The following FOXM1 variants were observed in gnomAD, a reference collection of about 807,000 sequenced individuals.
FOXM1 encodes forkhead box protein M1.
A neutral mutation model predicts 63.6 loss-of-function variants in FOXM1; 25 were observed. That is an observed-to-expected ratio of 0.39 (90% CI 0.29 to 0.55). The LOEUF is 0.55. Among genes scored for constraint, FOXM1 ranks in the 20% least tolerant of loss-of-function variants. The pLI is 0.60. For synonymous variants in FOXM1, 387 were observed against 376.9 expected (o/e 1.03, Z -0.31); for missense variants, 879 against 958.7 (o/e 0.92, Z 1.10).
chr12:2,859,678 G>T lies in FOXM1; in HGVS notation c.1267-15C>A. On this transcript the variant is annotated splice_polypyrimidine_tract_variant and intron_variant, in intron 8 of 8. Transcript: ENST00000359843. ...GCTAGCAGCACCTGAAAGGGAAACAGAGATAAGGTGAACCAACGGTCACCA... is the reference window on the plus strand; with the variant it reads ...GCTAGCAGCACCTGAAAGGGAAACATAGATAAGGTGAACCAACGGTCACCA... 6.3e-7 allele frequency: 1 copy of T among 1,585,166 alleles called. No homozygotes were observed. The highest frequency in any genetic ancestry group is 8.6e-7 in the Non-Finnish European group (1 of 1,167,316).
rs766261743 is a variant in FOXM1 at position 2,865,400 on chromosome 12, C to G, written c.976-1G>C. ...ATTGTGGAGACCCTGGGTCCAGTGGCTGGTGGCGGCCAGGCATTGTGGGAG... is the reference window on the plus strand; with the variant it reads ...ATTGTGGAGACCCTGGGTCCAGTGGGTGGTGGCGGCCAGGCATTGTGGGAG... On this transcript the variant is annotated splice_acceptor_variant, in intron 5 of 8. Transcript: ENST00000359843. LOFTEE classifies it high-confidence loss of function. The G allele has an allele frequency of 6.2e-7, 1 of 1,610,112 alleles. No homozygotes were observed. Among genetic ancestry groups the G allele is most frequent in the Non-Finnish European group, 8.5e-7 (1 of 1,177,900 alleles).
chr12:2,866,123 C>T (rs996100968), intron 5 of FOXM1, among the ~76,000 whole-genome samples: 1 of 152,196 alleles, frequency 6.6e-6, no homozygotes. Flanking sequence ...TTCCCATTCA[C>T]AGGGAAGTTA....
In FOXM1 at chr12:2,866,481, A is replaced by C; in HGVS notation, c.887T>G (p.Val296Gly). The C allele has an allele frequency of 6.3e-7, 1 of 1,574,926 alleles. No individual in the cohort carries two copies. The highest frequency in any genetic ancestry group is 8.6e-7 in the Non-Finnish European group (1 of 1,162,840). Residue 296 changes from valine (V) to glycine (G), a missense_variant, in exon 5 of 9, where the codon GTC (valine) becomes GGC (glycine). Physicochemically the swap from Val to Gly is moderately radical, Grantham distance 109. Coordinates refer to ENST00000359843, the MANE Select transcript of FOXM1 (RefSeq NM_021953.4). ...RHNLSLHDMF[V>G]RETSANGKVS... ...CTTGCCATTGGCAGACGTCTCCCGGACAAACATGTCGTGCAGGGAAAGGTT... is the reference window on the plus strand; with the variant it reads ...CTTGCCATTGGCAGACGTCTCCCGGCCAAACATGTCGTGCAGGGAAAGGTT...
At position 2,858,582 on chromosome 12, in the gene FOXM1, A is replaced by G; in HGVS notation, c.*56T>C. 6.7e-7 allele frequency: 1 copy of G among 1,500,318 alleles called. No individual in the cohort carries two copies. Among genetic ancestry groups the G allele is most frequent in the South Asian group, 1.2e-5 (1 of 80,906 alleles). The allele number at this position is 1,500,318 out of a possible 1,614,324, so 92.9% of individuals were successfully genotyped here. The stretch of plus-strand genomic sequence containing the variant: ...TCACTCAGAGGCTTGGGGTGCACTG[A>G]GCCTTGGAGTGCCCGGGATGGTGGA... On this transcript the variant is annotated 3_prime_UTR_variant, in exon 9 of 9. Transcript: ENST00000359843.
Position 2,872,081 on chromosome 12 carries a change from G to T in FOXM1, c.654+15C>A, listed in dbSNP as rs753228960. The stretch of plus-strand genomic sequence containing the variant: ...ACTGGATCTGATTTCTTTAGTGAGG[G>T]ACGGAACAATTCACCTTAACCTGTC... On this transcript the variant is annotated intron_variant, in intron 3 of 8. Transcript: ENST00000359843. The surrounding 1 kb of genome is among the most constrained non-coding windows in gnomAD (Gnocchi z 4.0). 6.2e-7 allele frequency: 1 copy of T among 1,613,938 alleles called. No individual in the cohort carries two copies. The highest frequency in any genetic ancestry group is 2.2e-5 in the East Asian group (1 of 44,890).
intron 3 of FOXM1, among the ~76,000 whole-genome samples, chr12:2,871,395 C>T (rs544266360): frequency 6.6e-6 from 1 of 152,150 alleles, no homozygotes; most frequent in Non-Finnish European, 1.5e-5. Flanking sequence ...GCCTGTAATC[C>T]CAGCCCTTTG....
chr12:2,859,695 C>T (rs781572454), intron 8 of FOXM1, 32 bp from the exon 9 acceptor site: 28 of 1,523,864 alleles, frequency 1.8e-5, no homozygotes, highest in Admixed American at 3.6e-5. Flanking sequence ...GGTGAACCAA[C>T]GGTCACCAGA....
chr12:2,863,340 A>G (rs1035301919), intron 8 of FOXM1, among the ~76,000 whole-genome samples: 3 of 152,190 alleles, frequency 2.0e-5, no homozygotes, highest in African/African-American at 7.2e-5. Context: ...CCTCCATGGC[A>G]CTGCCCATTA....
intron 8 of FOXM1, among the ~76,000 whole-genome samples, chr12:2,862,516 T>A (rs993973776): frequency 3.3e-5 from 5 of 152,252 alleles, no homozygotes; most frequent in African/African-American, 1.2e-4. Context: ...GTGTGTAATA[T>A]GTTTTATTTA....
At chr12:2,866,730 A>G (rs866784751) in intron 4 of FOXM1, among the ~76,000 whole-genome samples, 2 of 152,246 alleles carry the variant, frequency 1.3e-5, no homozygotes, top group South Asian at 4.1e-4. Context: ...TTCTACGGGA[A>G]TAAAGACTGA....
intron 3 of FOXM1, among the ~76,000 whole-genome samples, 162 bp downstream of exon 3, chr12:2,871,934 C>T (rs1417948678): frequency 6.6e-6 from 1 of 152,106 alleles, no homozygotes; most frequent in Admixed American, 6.6e-5. Context: ...AGAAAAGATC[C>T]CAGGCAGAAA....
intron 3 of FOXM1, among the ~76,000 whole-genome samples, chr12:2,871,675 G>GTA (rs2098133555): frequency 1.3e-5 from 2 of 151,832 alleles, no homozygotes; most frequent in East Asian, 1.9e-4. Context: ...ATATATACGT[G>GTA]TATATATATA....
intron 3 of FOXM1, among the ~76,000 whole-genome samples, chr12:2,871,474 C>G (rs10848718): frequency 0.14 from 21,915 of 151,674 alleles, 1,780 homozygotes; most frequent in East Asian, 0.31. Context: ...AGCGAAACCC[C>G]ATCTCTACAA....
rs748086049 is a variant in FOXM1, at chr12:2,864,456, T to C, written c.1130A>G (p.Tyr377Cys). The C allele has an allele frequency of 6.2e-7, 1 of 1,613,924 alleles. No homozygotes were observed. The highest frequency in any genetic ancestry group is 8.5e-7 in the Non-Finnish European group (1 of 1,179,896). Residue 377 changes from tyrosine (Y) to cysteine (C), a missense_variant, in exon 8 of 9, where the codon TAC (tyrosine) becomes TGC (cysteine). Coordinates refer to ENST00000359843, the MANE Select transcript of FOXM1 (RefSeq NM_021953.4). The surrounding 1 kb of genome is among the most constrained non-coding windows in gnomAD (Gnocchi z 5.1). ...CACCGGGAACTGGATAGGTACCAGG[T>C]ATGAGCTGACCCGTGGTAGCAGTGG... ...MKPLLPRVSS[Y>C]LVPIQFPVNQ...
chr12:2,875,484 G>A (rs1289317736), intron 1 of FOXM1, among the ~76,000 whole-genome samples: 12 of 152,022 alleles, frequency 7.9e-5, no homozygotes, highest in Admixed American at 7.9e-4. Context: ...AACTCTAGAG[G>A]GTGACATTTA....
At position 2,865,384 on chromosome 12, in the gene FOXM1, A is replaced by C. The variant is rs761695860; in HGVS notation, c.991T>G (p.Ser331Ala). Residue 331 changes from serine (S) to alanine (A), a missense_variant, in exon 6 of 9, where the codon TCT becomes GCT. Physicochemically the swap from Ser to Ala is moderately conservative, Grantham distance 99. Transcript: ENST00000359843. ...TCCAAGTGCTCGGGCAATTGTGGAG[A>C]CCCTGGGTCCAGTGGCTGGTGGCGG... ...DQVFKPLDPG[S>A]PQLPEHLESQ... 2 of 1,610,526 alleles carry C rather than the reference A, an allele frequency of 1.2e-6. No homozygotes were observed. The highest frequency in any genetic ancestry group is 1.7e-5 in the Admixed American group (1 of 59,658).
chr12:2,870,775 A>G (rs978970619), intron 3 of FOXM1, among the ~76,000 whole-genome samples: 8 of 151,676 alleles, frequency 5.3e-5, no homozygotes, highest in Admixed American at 5.3e-4. Context: ...CCTGGCCAAC[A>G]TAGTGAAACC....
intron 6 of FOXM1, 118 bp downstream of exon 6, chr12:2,865,237 C>T (rs2098120951): frequency 1.1e-6 from 1 of 938,092 alleles, no homozygotes; most frequent in African/African-American, 1.6e-5. Flanking sequence ...GGCACCTAGA[C>T]AAAACATGGC....
In FOXM1 at chr12:2,858,446, G is replaced by A. The variant is rs1042322059; in HGVS notation, c.*192C>T. 2 of 563,798 alleles carry A rather than the reference G, an allele frequency of 3.5e-6. No individual in the cohort carries two copies. The highest frequency in any genetic ancestry group is 6.3e-6 in the Non-Finnish European group (2 of 319,038). The allele number at this position is 563,798 out of a possible 1,614,324, so 34.9% of individuals were successfully genotyped here. ...CCTGGCAGGGACAGCAGAGGAATCA[G>A]ATACTCTTGGGGAACACAAGGTCCC... is the stretch of plus-strand genomic sequence containing the variant. On this transcript the variant is annotated 3_prime_UTR_variant, in exon 9 of 9. Transcript: ENST00000359843.
Sources: allele counts gnomAD v4.1 joint callset (sites outside exome capture counted in the v4.1 genomes callset), GRCh38; gene constraint gnomAD v4.1.1; non-coding constraint Gnocchi (gnomAD v3.1); transcripts MANE v1.5; gene names NCBI Gene and HGNC (gene_info 2026-07-23, HGNC 2026-07-21).